The following USP34 variants were observed in gnomAD, a reference collection of about 807,000 sequenced individuals.
USP34 encodes ubiquitin carboxyl-terminal hydrolase 34.
USP34 carries 70 observed loss-of-function variants against 460.3 expected under a neutral mutation model. The ratio of observed to expected loss-of-function variants is 0.15; its 90% CI spans 0.13 to 0.19. USP34 has a LOEUF of 0.19. Ranked by LOEUF, USP34 falls within the 10% of genes least tolerant of loss-of-function variation. The pLI, the probability that USP34 is intolerant of heterozygous loss-of-function variation, is 1.00. For missense variants in USP34, 3,985 were observed against 4,236.2 expected, an observed-to-expected ratio of 0.94 and a Z score of 1.65; for synonymous variants, 1,647 against 1,405.3, an observed-to-expected ratio of 1.17 and a Z score of -3.85.
intron 28 of USP34, 50 bp downstream of exon 28, chr2:61,301,304 G>A (rs1374956250): frequency 1.3e-6 from 2 of 1,576,920 alleles, no homozygotes; most frequent in Non-Finnish European, 1.7e-6. Flanking sequence ...CTATTCAACT[G>A]ATGATTATAA....
chr2:61,213,197 T>G (rs1385189277), intron 68 of USP34, among the ~76,000 whole-genome samples: 1 of 152,120 alleles, frequency 6.6e-6, no homozygotes, highest in East Asian at 1.9e-4. Context: ...GTATTTTTTG[T>G]AGAGATGGAG....
At chr2:61,234,981 T>G (rs1235039169) in intron 57 of USP34, among the ~76,000 whole-genome samples, 1 of 152,130 alleles carries the variant, frequency 6.6e-6, no homozygotes, top group African/African-American at 2.4e-5. Context: ...ATGTACAGCA[T>G]CATGACACTA....
intron 22 of USP34, among the ~76,000 whole-genome samples, 176 bp downstream of exon 22, chr2:61,318,997 A>C (rs557592624): frequency 6.6e-6 from 1 of 152,314 alleles, no homozygotes; most frequent in African/African-American, 2.4e-5. Context: ...TAAACAGTGT[A>C]AACAACAAAA....
At chr2:61,284,345 C>T (rs968256583) in intron 35 of USP34, among the ~76,000 whole-genome samples, 2 of 152,066 alleles carry the variant, frequency 1.3e-5, no homozygotes, top group Non-Finnish European at 2.9e-5. Context: ...TATAAAATAA[C>T]TGGCCTGCAT....
At chr2:61,236,271 G>C in intron 54 of USP34, 35 bp from the exon 55 acceptor site, 2 of 1,594,324 alleles carry the variant, frequency 1.3e-6, no homozygotes, top group Non-Finnish European at 1.7e-6. Context: ...AAATTCACAC[G>C]TAAGATTTTT....
intron 53 of USP34, among the ~76,000 whole-genome samples, chr2:61,239,632 C>G (rs1688186988): frequency 6.6e-6 from 1 of 152,062 alleles, no homozygotes; most frequent in Non-Finnish European, 1.5e-5. Flanking sequence ...ATAATGAATA[C>G]CATCTAATTC....
chr2:61,366,915 G>T (rs1477502522), intron 10 of USP34, among the ~76,000 whole-genome samples: 1 of 152,108 alleles, frequency 6.6e-6, no homozygotes, highest in African/African-American at 2.4e-5. Context: ...CAAGCATGGT[G>T]GTGTGCATCT....
At chr2:61,231,810 TA>T (rs200291947) in intron 58 of USP34, among the ~76,000 whole-genome samples, 14 of 98,942 alleles carry the variant, frequency 1.4e-4, no homozygotes, top group Non-Finnish European at 2.3e-4. Context: ...CAAAACCCTC[TA>T]AAAAAATATA....
intron 41 of USP34, among the ~76,000 whole-genome samples, chr2:61,267,759 G>A (rs578092525): frequency 1.3e-5 from 2 of 152,102 alleles, no homozygotes; most frequent in South Asian, 2.1e-4. Flanking sequence ...GACTACAGGC[G>A]CCCACCACAA....
intron 1 of USP34, among the ~76,000 whole-genome samples, chr2:61,465,070 A>C (rs1360884070): frequency 6.6e-6 from 1 of 152,230 alleles, no homozygotes; most frequent in African/African-American, 2.4e-5. Context: ...TGAAGCATGA[A>C]AAGAAAATGG....
chr2:61,370,866 C>T (rs143606212), intron 8 of USP34, among the ~76,000 whole-genome samples: 1 of 152,208 alleles, frequency 6.6e-6, no homozygotes. Context: ...TTATCCTACT[C>T]GAGGTCTTTG....
intron 76 of USP34, chr2:61,191,487 T>A (rs1023752394): frequency 1.3e-5 from 2 of 152,232 alleles, no homozygotes; most frequent in African/African-American, 4.8e-5. Context: ...AGGATTCAAG[T>A]AGGACCAAGA....
At chr2:61,220,853 G>A (rs1687560292) in intron 66 of USP34, among the ~76,000 whole-genome samples, 1 of 152,202 alleles carries the variant, frequency 6.6e-6, no homozygotes. Context: ...CTGTACTGCT[G>A]TGGAGAGTTT....
At chr2:61,222,423 T>A (rs1427628354) in intron 65 of USP34, among the ~76,000 whole-genome samples, 196 bp downstream of exon 65, 1 of 152,164 alleles carries the variant, frequency 6.6e-6, no homozygotes, top group Non-Finnish European at 1.5e-5. Context: ...CATATTTACA[T>A]TTAGTTGGGA....
intron 35 of USP34, 64 bp downstream of exon 35, chr2:61,284,811 A>G (rs1348314906): frequency 3.8e-6 from 5 of 1,317,410 alleles, no homozygotes; most frequent in Middle Eastern, 2.7e-4. Flanking sequence ...TTTTCAAAAT[A>G]AAGTTTTAAA....
In USP34 at chr2:61,266,028, T is replaced by C; in HGVS notation, c.5573A>G (p.Asn1858Ser). ...LVEMVKGSVE[N>S]YRLIHNWVMA... The stretch of plus-strand genomic sequence containing the variant: ...AACCCAGTTGTGTATTAGCCTGTAG[T>C]TCTCAACAGACCCCTTTACCATCTC... The change falls in exon 42 of 80, where the codon AAC (asparagine) becomes AGC (serine). Residue 1858 changes from asparagine (N) to serine (S), a missense_variant. Asn to Ser is a conservative substitution (Grantham distance 46). Around this residue, in one of 14 missense-constraint regions of USP34, gnomAD observed 1,114 missense variants for 1,122.5 expected, o/e 0.99. Coordinates refer to ENST00000398571, the MANE Select transcript of USP34 (RefSeq NM_014709.4). 1 of 1,613,726 alleles carries C rather than the reference T, an allele frequency of 6.2e-7. No individual in the cohort carries two copies. The highest frequency in any genetic ancestry group is 1.3e-5 in the African/African-American group (1 of 75,074).
At position 61,232,604 on chromosome 2, in the gene USP34, G is replaced by C. The variant is rs192196737; in HGVS notation, c.7033-72C>G. 14 of 1,201,638 alleles carry C rather than the reference G, an allele frequency of 1.2e-5. No homozygotes were observed. The African/African-American group carries it at 1.5e-4, about 13-fold the overall frequency. 74.4% of individuals were successfully genotyped at this position (1,201,638 alleles called of 1,614,324 possible). Reference sequence around the variant, plus strand: ...GTTACATGGGATAACAGTCACATAAGAATTTTATTTCTAGTCAATGTTTTA... The same window carrying C: ...GTTACATGGGATAACAGTCACATAACAATTTTATTTCTAGTCAATGTTTTA... On this transcript the variant is annotated intron_variant, in intron 57 of 79. Coordinates refer to ENST00000398571, the MANE Select transcript of USP34 (RefSeq NM_014709.4).
intron 25 of USP34, among the ~76,000 whole-genome samples, chr2:61,313,070 T>G (rs1690643013): frequency 6.6e-6 from 1 of 151,924 alleles, no homozygotes; most frequent in African/African-American, 2.4e-5. Flanking sequence ...GAAAAATACC[T>G]AAGTAAATTT....
intron 1 of USP34, among the ~76,000 whole-genome samples, chr2:61,443,520 A>G (rs1266381057): frequency 6.6e-6 from 1 of 151,962 alleles, no homozygotes; most frequent in East Asian, 1.9e-4. Context: ...TCAAGACATG[A>G]AAATACATAA....
Sources: allele counts gnomAD v4.1 joint callset (sites outside exome capture counted in the v4.1 genomes callset), GRCh38; gene constraint gnomAD v4.1.1; regional missense constraint gnomAD v4.1.1; transcripts MANE v1.5; gene names NCBI Gene and HGNC (gene_info 2026-07-23, HGNC 2026-07-21).